CAPN14: variants seen among roughly 807,000 people sequenced by gnomAD.
CAPN14 encodes calpain 14.
CAPN14 carries 94 observed loss-of-function variants against 101.3 expected under a neutral mutation model. The ratio of observed to expected loss-of-function variants is 0.93; its 90% CI spans 0.79 to 1.10. The LOEUF is 1.10. Among genes scored for constraint, CAPN14 ranks in the 50% least tolerant of loss-of-function variants. The pLI, the probability that CAPN14 is intolerant of heterozygous loss-of-function variation, is 0.00. For missense variants in CAPN14, 837 were observed against 828.4 expected (o/e 1.01, Z -0.13); for synonymous variants, 338 against 317.9 (o/e 1.06, Z -0.67).
chr2:31,192,691 G>A (rs1229286469), intron 10 of CAPN14, among the ~76,000 whole-genome samples: 2 of 152,138 alleles, frequency 1.3e-5, no homozygotes, highest in Non-Finnish European at 2.9e-5. Context: ...GAAGCCCTGG[G>A]TTTGTGTTTC....
intron 16 of CAPN14, among the ~76,000 whole-genome samples, chr2:31,184,941 A>G (rs1680832256): frequency 6.6e-6 from 1 of 152,246 alleles, no homozygotes; most frequent in Non-Finnish European, 1.5e-5. Flanking sequence ...TGCCACAAAA[A>G]TGAAGTCTCT....
In CAPN14 at chr2:31,194,497, AG is replaced by A. The variant is rs1319929286; in HGVS notation, c.876-15del. On this transcript the variant is annotated splice_polypyrimidine_tract_variant and intron_variant, in intron 8 of 21. Transcript: ENST00000403897. Reference sequence around the variant, plus strand: ...CATTTACTTGAACTGAAAATAGAAAAGGGAATGAAAAGCTTGTGGGGAGCAT... The same window carrying A: ...CATTTACTTGAACTGAAAATAGAAAAGGAATGAAAAGCTTGTGGGGAGCAT... 22 of 1,541,054 alleles carry A rather than the reference AG, an allele frequency of 1.4e-5. No homozygotes were observed. Among genetic ancestry groups the A allele is most frequent in the Non-Finnish European group, 8.8e-7 (1 of 1,137,590 alleles).
intron 2 of CAPN14, among the ~76,000 whole-genome samples, chr2:31,224,433 G>T (rs1290173016): frequency 6.6e-6 from 1 of 152,072 alleles, no homozygotes; most frequent in Non-Finnish European, 1.5e-5. Flanking sequence ...TCATGCCCAA[G>T]CCAAGGGGTG....
At chr2:31,213,898 T>A (rs180681907) in intron 1 of CAPN14, among the ~76,000 whole-genome samples, 1 of 152,314 alleles carries the variant, frequency 6.6e-6, no homozygotes, top group East Asian at 1.9e-4. Context: ...ATGAAATGAT[T>A]TTGTAATGTT....
intron 2 of CAPN14, among the ~76,000 whole-genome samples, chr2:31,226,266 T>C (rs925340481): frequency 1.3e-5 from 2 of 152,342 alleles, no homozygotes. Context: ...CGCTCATAGG[T>C]TCTGCCTTTA....
At chr2:31,211,446 A>C (rs1170687126) in intron 1 of CAPN14, among the ~76,000 whole-genome samples, 1 of 152,206 alleles carries the variant, frequency 6.6e-6, no homozygotes, top group Non-Finnish European at 1.5e-5. Flanking sequence ...TTTTTAAAAC[A>C]GCAAGAACTA....
chr2:31,205,165 T>C (rs1303784279), intron 2 of CAPN14, 58 bp downstream of exon 2: 4 of 1,438,172 alleles, frequency 2.8e-6, no homozygotes, highest in Non-Finnish European at 3.8e-6. Flanking sequence ...TTAGGCGCAG[T>C]ATCTGAAAGC....
At chr2:31,212,325 A>C (rs1227365439) in intron 1 of CAPN14, among the ~76,000 whole-genome samples, 1 of 151,032 alleles carries the variant, frequency 6.6e-6, no homozygotes, top group Admixed American at 6.6e-5. Context: ...AAAAAAAAAA[A>C]AACAAAAAAA....
chr2:31,220,444 G>C (rs1373407385), upstream of CAPN14, among the ~76,000 whole-genome samples: 3 of 152,224 alleles, frequency 2.0e-5, no homozygotes, highest in Non-Finnish European at 4.4e-5. Context: ...TCATGGGGTA[G>C]CATTACCCTG....
intron 17 of CAPN14, among the ~76,000 whole-genome samples, chr2:31,178,798 G>A (rs929652043): frequency 6.6e-6 from 1 of 152,064 alleles, no homozygotes; most frequent in African/African-American, 2.4e-5. Context: ...GAGCACAGCA[G>A]CACTGGGAGA....
intron 16 of CAPN14, 132 bp from the exon 17 acceptor site, chr2:31,181,132 G>C: frequency 1.4e-6 from 1 of 692,178 alleles, no homozygotes; most frequent in Non-Finnish European, 2.5e-6. Context: ...GGAAGAGTGA[G>C]AATGGAAGAC....
Position 31,177,827 on chromosome 2 carries a change from A to G in CAPN14, c.1780-6T>C. Reference sequence around the variant, plus strand: ...TCTTGCTTGTGGAAAACCTTCTGCAAAGAACCAAATAAGAGGTTCAGGAAG... The same window carrying G: ...TCTTGCTTGTGGAAAACCTTCTGCAGAGAACCAAATAAGAGGTTCAGGAAG... On this transcript the variant is annotated splice_region_variant and splice_polypyrimidine_tract_variant and intron_variant, in intron 18 of 21. Transcript: ENST00000403897. 1 of 1,551,382 alleles carries G rather than the reference A, an allele frequency of 6.4e-7. No homozygotes were observed. Among genetic ancestry groups the G allele is most frequent in the African/African-American group, 1.4e-5 (1 of 73,174 alleles).
At position 31,197,351 on chromosome 2, in the gene CAPN14, G is replaced by A; in HGVS notation, c.790-17C>T. 1 of 1,524,650 alleles carries A rather than the reference G, an allele frequency of 6.6e-7. No homozygotes were observed. The highest frequency in any genetic ancestry group is 8.9e-7 in the Non-Finnish European group (1 of 1,122,462). The allele number at this position is 1,524,650 out of a possible 1,614,324, so 94.4% of individuals were successfully genotyped here. On this transcript the variant is annotated splice_polypyrimidine_tract_variant and intron_variant, in intron 7 of 21. Coordinates refer to ENST00000403897, the MANE Select transcript of CAPN14 (RefSeq NM_001145122.2). ...GCAGGTCACCTGCATAAAATGAGAG[G>A]CAGTTTAGGTGACTGGGCTGAGTGC...
At chr2:31,213,307 A>G (rs887666928) in intron 1 of CAPN14, among the ~76,000 whole-genome samples, 1 of 152,226 alleles carries the variant, frequency 6.6e-6, no homozygotes, top group African/African-American at 2.4e-5. Context: ...AAAAGACTTG[A>G]CAAAAGTCTA....
Position 31,177,102 on chromosome 2 carries a change from G to C in CAPN14, c.1896C>G (p.Ile632Met). The change falls in exon 20 of 22, where the codon ATC (isoleucine) becomes ATG (methionine). Residue 632 changes from isoleucine (I) to methionine (M), a missense_variant. Ile to Met is a conservative substitution (Grantham distance 10, BLOSUM62 1). Transcript: ENST00000403897. ...TCTGGAGGCGGGGGCCGCCGTAGCGGATGAGCATCAGCTGACAGACGTCAT... is the reference window on the plus strand; with the variant it reads ...TCTGGAGGCGGGGGCCGCCGTAGCGCATGAGCATCAGCTGACAGACGTCAT... ...LSDDVCQLML[I>M]RYGGPRLQMD... The C allele has an allele frequency of 6.4e-7, 1 of 1,551,346 alleles. No individual in the cohort carries two copies. The highest frequency in any genetic ancestry group is 8.7e-7 in the Non-Finnish European group (1 of 1,146,784).
intron 19 of CAPN14, among the ~76,000 whole-genome samples, chr2:31,177,475 G>C (rs543329346): frequency 2.6e-5 from 4 of 152,258 alleles, no homozygotes; most frequent in African/African-American, 9.6e-5. Flanking sequence ...CCAGGCAATT[G>C]AGCTTCAATT....
At chr2:31,190,314 T>C (rs962687017) in intron 12 of CAPN14, among the ~76,000 whole-genome samples, 1 of 152,070 alleles carries the variant, frequency 6.6e-6, no homozygotes, top group African/African-American at 2.4e-5. Context: ...ACATCACCCA[T>C]CCAAATAAAC....
At chr2:31,191,281 C>T in intron 12 of CAPN14, 118 bp downstream of exon 12, 1 of 975,060 alleles carries the variant, frequency 1.0e-6, no homozygotes. Flanking sequence ...CATCATCTGG[C>T]ATTATCATAG....
Position 31,216,520 on chromosome 2 carries a change from T to C in CAPN14, c.-53+936A>G, listed in dbSNP as rs936450243. 2.0e-5 allele frequency among the ~76,000 whole-genome samples: 3 copies of C among 152,106 alleles called. No homozygotes were observed. The East Asian group carries it at 5.8e-4, about 29-fold the overall frequency. On this transcript the variant is annotated intron_variant, in intron 1 of 21. Coordinates refer to ENST00000403897, the MANE Select transcript of CAPN14 (RefSeq NM_001145122.2). ...CAGTCCAACGACCAGGCTCACACTC[T>C]AGAAAGGGCCCTCACTCTTCAGCAT...
Sources: allele counts gnomAD v4.1 joint callset (sites outside exome capture counted in the v4.1 genomes callset), GRCh38; gene constraint gnomAD v4.1.1; transcripts MANE v1.5; gene names NCBI Gene and HGNC (gene_info 2026-07-23, HGNC 2026-07-21).